Variants in NRXN1 observed in about 807,000 individuals in gnomAD.
NRXN1 encodes neurexin 1, also known as neurexin-1.
In NRXN1, 39 loss-of-function variants were observed where a neutral mutation model predicts 150.9. That is an observed-to-expected ratio of 0.26 (90% confidence interval 0.20 to 0.34). The LOEUF is 0.34. NRXN1 is among the 10% of genes least tolerant of loss of function. The probability of loss-of-function intolerance (pLI) is 1.00; values close to 1 mark genes in which losing one functional copy is unlikely to be tolerated. For synonymous variants in NRXN1, 924 were observed against 757.0 expected (o/e 1.22, Z -3.62); for missense variants, 1,815 against 1,949.9 (o/e 0.93, Z 1.30).
chr2:50,087,872 T>G (rs1259834597), intron 19 of NRXN1, among the ~76,000 whole-genome samples: 1 of 152,164 alleles, frequency 6.6e-6, no homozygotes, highest in Non-Finnish European at 1.5e-5. Context: ...TCATTAAAGG[T>G]ATAGTGTTGC....
chr2:50,882,344 C>G (rs1032294402), intron 5 of NRXN1, among the ~76,000 whole-genome samples: 1 of 151,848 alleles, frequency 6.6e-6, no homozygotes, highest in African/African-American at 2.4e-5. Context: ...TATATAATAA[C>G]TTCATTTATG....
At chr2:51,006,204 C>T (rs1700698354) in intron 2 of NRXN1, among the ~76,000 whole-genome samples, 1 of 151,700 alleles carries the variant, frequency 6.6e-6, no homozygotes, top group South Asian at 2.1e-4. Flanking sequence ...TTAAGACCTA[C>T]CTATGCAGCC....
intron 17 of NRXN1, among the ~76,000 whole-genome samples, chr2:50,262,852 A>C (rs929864811): frequency 3.3e-5 from 5 of 151,966 alleles, no homozygotes; most frequent in Non-Finnish European, 7.4e-5. Flanking sequence ...ATGTTCACCA[A>C]AATTATAGCC....
At chr2:50,106,179 A>G (rs549641412) in intron 18 of NRXN1, among the ~76,000 whole-genome samples, 1 of 150,624 alleles carries the variant, frequency 6.6e-6, no homozygotes, top group Admixed American at 6.6e-5. Flanking sequence ...TTTTTATCTT[A>G]GTTGTTTGAA....
At chr2:50,510,744 G>A (rs945763413) in intron 12 of NRXN1, among the ~76,000 whole-genome samples, 2 of 152,156 alleles carry the variant, frequency 1.3e-5, no homozygotes, top group Non-Finnish European at 2.9e-5. Context: ...GAAGTAGAGA[G>A]AAGACTGAGA....
intron 10 of NRXN1, among the ~76,000 whole-genome samples, chr2:50,533,716 T>C (rs1450287847): frequency 6.6e-6 from 1 of 152,182 alleles, no homozygotes; most frequent in Non-Finnish European, 1.5e-5. Flanking sequence ...GCTTTAAGTA[T>C]GTCCCGCTTC....
intron 5 of NRXN1, among the ~76,000 whole-genome samples, chr2:50,812,769 A>G (rs982516153): frequency 2.0e-5 from 3 of 149,886 alleles, no homozygotes; most frequent in African/African-American, 7.3e-5. Flanking sequence ...TGTGAAATTT[A>G]GCTATAAACT....
chr2:50,542,891 C>G (rs1323991940), intron 9 of NRXN1, among the ~76,000 whole-genome samples: 1 of 152,078 alleles, frequency 6.6e-6, no homozygotes, highest in East Asian at 1.9e-4. Flanking sequence ...CAATTTAACT[C>G]ATAGATATGA....
rs527921937 is a variant in NRXN1, at chr2:50,907,796, T to C, written c.832+14073A>G. ...AAGTGCTTCTAACAGAAATGCACCA[T>C]TGATGACAAATCAAATTTACCCCAG... is the stretch of plus-strand genomic sequence containing the variant. On this transcript the variant is annotated intron_variant, in intron 5 of 22. Coordinates refer to ENST00000401669, the MANE Select transcript of NRXN1 (RefSeq NM_001330078.2). 1.1e-4 allele frequency among the ~76,000 whole-genome samples: 16 copies of C among 152,216 alleles called. 1 individual carries two copies. The highest frequency in any genetic ancestry group is 7.2e-4 in the Admixed American group (11 of 15,242).
At chr2:50,654,215 T>C (rs1686067874) in intron 5 of NRXN1, among the ~76,000 whole-genome samples, 1 of 69,200 alleles carries the variant, frequency 1.4e-5, no homozygotes, top group Non-Finnish European at 3.0e-5. Context: ...AGTGTGATGT[T>C]CCCCTTCCTG....
At chr2:50,750,519 C>T (rs1320269321) in intron 5 of NRXN1, among the ~76,000 whole-genome samples, 1 of 151,806 alleles carries the variant, frequency 6.6e-6, no homozygotes, top group Non-Finnish European at 1.5e-5. Context: ...TGCAGCAAAC[C>T]AACATGACAC....
intron 5 of NRXN1, among the ~76,000 whole-genome samples, chr2:50,888,839 T>C (rs1175405090): frequency 6.6e-6 from 1 of 151,662 alleles, no homozygotes; most frequent in African/African-American, 2.4e-5. Context: ...CTACATTCTA[T>C]CTCTGATTAA....
At chr2:50,141,347 A>G (rs1223996268) in intron 18 of NRXN1, among the ~76,000 whole-genome samples, 2 of 152,232 alleles carry the variant, frequency 1.3e-5, no homozygotes, top group South Asian at 2.1e-4. Flanking sequence ...ACCTGAAAAT[A>G]TGAAACTACT....
intron 5 of NRXN1, among the ~76,000 whole-genome samples, chr2:50,664,520 C>T (rs938247512): frequency 1.3e-5 from 2 of 150,912 alleles, no homozygotes; most frequent in Non-Finnish European, 3.0e-5. Flanking sequence ...AAATTCTTCT[C>T]CAACTTTGGC....
chr2:50,262,698 A>C lies in NRXN1; in HGVS notation c.3365-25728T>G, dbSNP rs140563187. ...ATTCTAGCAGTCAATTTTAGTTGTGAAAATATAAGGAAAAGTCAAAGCATA... is the reference window on the plus strand; with the variant it reads ...ATTCTAGCAGTCAATTTTAGTTGTGCAAATATAAGGAAAAGTCAAAGCATA... On this transcript the variant is annotated intron_variant, in intron 17 of 22. Transcript: ENST00000401669. Among the ~76,000 whole-genome samples, 132 of 152,102 alleles carry C rather than the reference A, an allele frequency of 8.7e-4. 1 individual carries two copies. Among genetic ancestry groups the C allele is most frequent in the African/African-American group, 3.1e-3 (128 of 41,542 alleles).
At chr2:50,400,422 G>A (rs770881947) in intron 17 of NRXN1, among the ~76,000 whole-genome samples, 10 of 151,994 alleles carry the variant, frequency 6.6e-5, no homozygotes, top group Admixed American at 2.6e-4. Flanking sequence ...CAGAAACGCC[G>A]TTGCTCATAT....
At chr2:50,024,280 A>G (rs1687964030) in intron 21 of NRXN1, among the ~76,000 whole-genome samples, 1 of 152,146 alleles carries the variant, frequency 6.6e-6, no homozygotes, top group South Asian at 2.1e-4. Context: ...AAGACCTTAG[A>G]CCGTGACTAC....
rs981977916 is a variant in NRXN1, at chr2:50,346,952, C to T, written c.3365-109982G>A. The stretch of plus-strand genomic sequence containing the variant: ...CACCGGAGCATCCTCTGGTACATGG[C>T]GGGGCGCCCGCCGAGGGGCAGCCGC... On this transcript the variant is annotated intron_variant, in intron 17 of 22. Transcript: ENST00000401669. This position sits in a 1 kb window ranked among gnomAD's most constrained non-coding sequence, Gnocchi z 5.0. The T allele has an allele frequency of 2.7e-5, 37 of 1,368,034 alleles. No homozygotes were observed. The highest frequency in any genetic ancestry group is 3.5e-5 in the Non-Finnish European group (37 of 1,060,576). 84.7% of individuals were successfully genotyped at this position (1,368,034 alleles called of 1,614,324 possible).
chr2:50,792,305 T>C (rs1574490971), intron 5 of NRXN1, among the ~76,000 whole-genome samples: 1 of 152,128 alleles, frequency 6.6e-6, no homozygotes. Flanking sequence ...GACTATATTA[T>C]TAACTTTTAT....
Sources: gnomAD v4.1 joint callset for allele counts (sites outside exome capture counted in the v4.1 genomes callset) on GRCh38, gnomAD v4.1.1 for gene constraint, Gnocchi (gnomAD v3.1) non-coding constraint, MANE v1.5 for transcripts, NCBI Gene and HGNC (gene_info 2026-07-23, HGNC 2026-07-21) for gene names.